ACSBG1: variants seen among roughly 807,000 people sequenced by gnomAD.
ACSBG1 encodes the protein long-chain-fatty-acid--CoA ligase ACSBG1.
A neutral mutation model predicts 80.2 loss-of-function variants in ACSBG1; 39 were observed. The observed-to-expected ratio is 0.49, with a 90% CI of 0.38 to 0.64. The LOEUF (loss-of-function observed/expected upper bound fraction) is 0.64, where lower values mean the gene tolerates loss of function less well. Among genes scored for constraint, ACSBG1 ranks in the 30% least tolerant of loss-of-function variants. ACSBG1 has a pLI of 0.00. For missense variants in ACSBG1, 828 were observed against 966.4 expected, an observed-to-expected ratio of 0.86 and a Z score of 1.90; for synonymous variants, 392 against 379.5, an observed-to-expected ratio of 1.03 and a Z score of -0.38.
At chr15:78,210,460 CA>C (rs1255780565) in intron 1 of ACSBG1, among the ~76,000 whole-genome samples, 2 of 152,220 alleles carry the variant, frequency 1.3e-5, no homozygotes, top group African/African-American at 4.8e-5. Context: ...CCTGCTCACA[CA>C]GAGTTATAAC....
intron 1 of ACSBG1, among the ~76,000 whole-genome samples, chr15:78,224,187 G>A (rs1246084119): frequency 6.6e-6 from 1 of 152,162 alleles, no homozygotes; most frequent in Non-Finnish European, 1.5e-5. Flanking sequence ...CATGAGTGAG[G>A]TTGAAAGCAG....
chr15:78,174,473 T>C lies in ACSBG1; in HGVS notation c.1754A>G (p.Glu585Gly). Reference protein sequence around the residue: ...GENVPPVPIEEAVKMELPIIS... With the variant: ...GENVPPVPIEGAVKMELPIIS... ...GATGGGCAGCTCCATCTTCACGGCCTCCTCGATGGGCACAGGGGGCACATT... is the reference window on the plus strand; with the variant it reads ...GATGGGCAGCTCCATCTTCACGGCCCCCTCGATGGGCACAGGGGGCACATT... Residue 585 changes from glutamate (E) to glycine (G), a missense_variant, in exon 12 of 14, where the codon GAG becomes GGG. By Grantham distance (98) the Glu-to-Gly change is moderately conservative (BLOSUM62 -2). This residue lies in a region of ACSBG1 where 201 missense variants were observed against 227.0 expected (regional missense o/e 0.89). Transcript: ENST00000258873. The C allele has an allele frequency of 6.2e-7, 1 of 1,614,150 alleles. No homozygotes were observed. The highest frequency in any genetic ancestry group is 8.5e-7 in the Non-Finnish European group (1 of 1,180,028).
intron 1 of ACSBG1, among the ~76,000 whole-genome samples, chr15:78,230,476 C>T (rs371916423): frequency 2.6e-5 from 4 of 152,202 alleles, no homozygotes; most frequent in South Asian, 4.1e-4. Flanking sequence ...AATGCAGACC[C>T]GCCTTTCCCC....
chr15:78,174,400 C>G lies in ACSBG1; in HGVS notation c.1827G>C (p.Met609Ile). The change falls in exon 12 of 14, where the codon ATG (methionine) becomes ATC (isoleucine). Residue 609 changes from methionine (M) to isoleucine (I), a missense_variant. Met to Ile is a conservative substitution (Grantham distance 10, BLOSUM62 1). Transcript: ENST00000258873. The stretch of plus-strand genomic sequence containing the variant: ...CCAGACACACCTTCAAGGTGAGCAG[C>G]ATGGACAGGAACTTCCTCTGGTCCC... ...LIGDQRKFLS[M>I]LLTLKCTLDP... 2 of 1,614,186 alleles carry G rather than the reference C, an allele frequency of 1.2e-6. No individual in the cohort carries two copies. Among genetic ancestry groups the G allele is most frequent in the South Asian group, 2.2e-5 (2 of 91,088 alleles).
At chr15:78,181,768 C>T (rs939082696) in intron 8 of ACSBG1, among the ~76,000 whole-genome samples, 5 of 152,202 alleles carry the variant, frequency 3.3e-5, no homozygotes, top group Admixed American at 6.5e-5. Context: ...GCTGGGATTA[C>T]AGGCGTGAGC....
chr15:78,186,444 T>G (rs1207271838), intron 5 of ACSBG1, among the ~76,000 whole-genome samples: 1 of 152,048 alleles, frequency 6.6e-6, no homozygotes, highest in African/African-American at 2.4e-5. Flanking sequence ...CCTCAGCAAA[T>G]GTAAAAGATC....
intron 11 of ACSBG1, among the ~76,000 whole-genome samples, chr15:78,175,125 G>A (rs1329748298): frequency 1.3e-5 from 2 of 152,166 alleles, no homozygotes; most frequent in African/African-American, 2.4e-5. Flanking sequence ...CCCCTTGCTT[G>A]TACCCTTCTC....
chr15:78,178,567 G>C lies in ACSBG1; in HGVS notation c.1702+47C>G. The C allele has an allele frequency of 1.9e-6, 3 of 1,556,512 alleles. No individual in the cohort carries two copies. The highest frequency in any genetic ancestry group is 2.6e-6 in the Non-Finnish European group (3 of 1,153,112). ...TCTGCCCGCCTTGGCCTCCCAAAGT[G>C]CTGGGATTACAGGCATGAGCCACCG... On this transcript the variant is annotated intron_variant, in intron 11 of 13. Transcript: ENST00000258873. The surrounding 1 kb of genome is among the most constrained non-coding windows in gnomAD (Gnocchi z 4.3).
chr15:78,203,969 C>A (rs1271309593), intron 2 of ACSBG1, among the ~76,000 whole-genome samples: 1 of 152,180 alleles, frequency 6.6e-6, no homozygotes, highest in African/African-American at 2.4e-5. Context: ...AAGGCACTCT[C>A]AGGGATACAG....
chr15:78,204,454 G>T (rs1318411089), intron 2 of ACSBG1, among the ~76,000 whole-genome samples: 1 of 152,304 alleles, frequency 6.6e-6, no homozygotes, highest in East Asian at 1.9e-4. Context: ...GGGCTGGCCT[G>T]CCCCAGACCT....
At chr15:78,220,846 C>T (rs1366545204) in intron 1 of ACSBG1, among the ~76,000 whole-genome samples, 1 of 152,132 alleles carries the variant, frequency 6.6e-6, no homozygotes, top group Admixed American at 6.5e-5. Context: ...AAATTAGAAA[C>T]CTCCTATACT....
rs1228350658 is a variant in ACSBG1, at chr15:78,168,350, A to G, written c.*3094T>C. On this transcript the variant is annotated 3_prime_UTR_variant, in exon 14 of 14. Transcript: ENST00000258873. ...GATCAGATACAAAAATTAGTTGGGT[A>G]TGGTGGCATGCACTTGTAATTCCAG... 6.6e-6 allele frequency: 1 copy of G among 152,044 alleles called. No homozygotes were observed. Among genetic ancestry groups the G allele is most frequent in the Non-Finnish European group, 1.5e-5 (1 of 68,014 alleles). The allele number at this position is 152,044 out of a possible 1,614,324, so 9.4% of individuals were successfully genotyped here.
Position 78,182,111 on chromosome 15 carries a change from C to T in ACSBG1, c.929G>A (p.Gly310Asp). 6.2e-7 allele frequency: 1 copy of T among 1,611,672 alleles called. No homozygotes were observed. Among genetic ancestry groups the T allele is most frequent in the Non-Finnish European group, 8.5e-7 (1 of 1,179,970 alleles). The stretch of plus-strand genomic sequence containing the variant: ...CTGGACTTCTGCCGGCCGGATGTCA[C>T]CGGCCTGGCTGCCGTACCGTGCCGT... Reference protein sequence around the residue: ...TWTARYGSQAGDIRPAEVQQE... With the variant: ...TWTARYGSQADDIRPAEVQQE... The change falls in exon 8 of 14, where the codon GGT (glycine) becomes GAT (aspartate). Residue 310 changes from glycine (G) to aspartate (D), a missense_variant. By Grantham distance (94) the Gly-to-Asp change is moderately conservative. Transcript: ENST00000258873.
chr15:78,224,991 CAAAA>C (rs34820253), intron 1 of ACSBG1, among the ~76,000 whole-genome samples: 1 of 151,296 alleles, frequency 6.6e-6, no homozygotes, highest in Admixed American at 6.6e-5. Context: ...AGGGGATCTA[CAAAA>C]AAAAGTGTTG....
intron 5 of ACSBG1, among the ~76,000 whole-genome samples, chr15:78,189,621 A>G (rs549982584): frequency 6.7e-6 from 1 of 149,006 alleles, no homozygotes; most frequent in Admixed American, 6.7e-5. Flanking sequence ...GAACTGAACA[A>G]TGGGAACACA....
Position 78,190,656 on chromosome 15 carries a change from T to C in ACSBG1, c.663+2850A>G, listed in dbSNP as rs200886919. 5.3e-5 allele frequency among the ~76,000 whole-genome samples: 8 copies of C among 151,948 alleles called. No homozygotes were observed. In the East Asian group the frequency reaches 1.4e-3, roughly 26 times the overall value. ...ATGTTTGTGGGGTTTATAACCTCTA[T>C]AGAAGTAAAATGGATGACGACAGCT... On this transcript the variant is annotated intron_variant, in intron 5 of 13. Coordinates refer to ENST00000258873, the MANE Select transcript of ACSBG1 (RefSeq NM_015162.5).
At chr15:78,194,455 G>T (rs761380190) in intron 3 of ACSBG1, 51 bp downstream of exon 3, 2 of 1,573,436 alleles carry the variant, frequency 1.3e-6, no homozygotes, top group Non-Finnish European at 1.7e-6. Flanking sequence ...GCCCAGAGCT[G>T]GGAGGCACAT....
At chr15:78,228,090 G>A (rs552845824) in intron 1 of ACSBG1, among the ~76,000 whole-genome samples, 7 of 152,148 alleles carry the variant, frequency 4.6e-5, no homozygotes, top group South Asian at 2.1e-4. Flanking sequence ...ACAGCTGCTC[G>A]GGGCCAGAGT....
At chr15:78,230,677 G>A (rs778883355) in intron 1 of ACSBG1, among the ~76,000 whole-genome samples, 1 of 152,166 alleles carries the variant, frequency 6.6e-6, no homozygotes, top group African/African-American at 2.4e-5. Flanking sequence ...ACAGTAAGTC[G>A]CACAAGATCT....
Sources: allele counts gnomAD v4.1 joint callset (sites outside exome capture counted in the v4.1 genomes callset), GRCh38; gene constraint gnomAD v4.1.1; regional missense constraint gnomAD v4.1.1; non-coding constraint Gnocchi (gnomAD v3.1); transcripts MANE v1.5; gene names NCBI Gene and HGNC (gene_info 2026-07-23, HGNC 2026-07-21).